Variants in SNTG1 observed in about 807,000 individuals in gnomAD.
SNTG1 encodes gamma-1-syntrophin.
In SNTG1, 39 loss-of-function variants were observed where a neutral mutation model predicts 74.7. The observed-to-expected ratio is 0.52, with a 90% CI of 0.40 to 0.68. The LOEUF is 0.68. Ranked by LOEUF, SNTG1 falls within the 30% of genes least tolerant of loss-of-function variation. SNTG1 has a pLI of 0.00. For missense variants in SNTG1, 685 were observed against 609.5 expected (o/e 1.12, Z -1.30); for synonymous variants, 254 against 217.1 (o/e 1.17, Z -1.49).
intron 18 of SNTG1, among the ~76,000 whole-genome samples, chr8:50,775,880 A>G (rs1012401906): frequency 4.6e-5 from 7 of 151,602 alleles, no homozygotes; most frequent in African/African-American, 7.2e-5. Context: ...CATTTCATCC[A>G]ATAATTTTCT....
At chr8:50,668,888 C>T (rs1163564362) in intron 15 of SNTG1, among the ~76,000 whole-genome samples, 1 of 151,902 alleles carries the variant, frequency 6.6e-6, no homozygotes, top group Non-Finnish European at 1.5e-5. Context: ...CATTGGTGGG[C>T]ATTTGGGTTG....
intron 13 of SNTG1, among the ~76,000 whole-genome samples, chr8:50,642,684 T>C (rs1473134978): frequency 1.3e-5 from 2 of 152,152 alleles, no homozygotes; most frequent in Non-Finnish European, 2.9e-5. Flanking sequence ...AATGTCCCAT[T>C]GGTGTGATGT....
chr8:50,776,605 T>C (rs1314348813), intron 18 of SNTG1, among the ~76,000 whole-genome samples: 1 of 150,736 alleles, frequency 6.6e-6, no homozygotes, highest in Non-Finnish European at 1.5e-5. Context: ...AATATTACAA[T>C]TTTTGTTTCA....
rs1809842406 is a variant in SNTG1, at chr8:49,952,854, C to T, written c.-103+40623C>T. ...CAAGGTGGACCTTCTAGATGTTTGACTTGGCTAACTAGTTGAGTAGGATAC... is the reference window on the plus strand; with the variant it reads ...CAAGGTGGACCTTCTAGATGTTTGATTTGGCTAACTAGTTGAGTAGGATAC... On this transcript the variant is annotated intron_variant, in intron 1 of 18. Transcript: ENST00000642720. Among the ~76,000 whole-genome samples, 3 of 152,280 alleles carry T rather than the reference C, an allele frequency of 2.0e-5. No homozygotes were observed. The South Asian group carries it at 6.2e-4, about 32-fold the overall frequency.
chr8:50,218,264 C>T (rs1266608646), intron 2 of SNTG1, among the ~76,000 whole-genome samples: 1 of 152,114 alleles, frequency 6.6e-6, no homozygotes, highest in Non-Finnish European at 1.5e-5. Context: ...ACAATTGAGG[C>T]CTGAATGCAC....
intron 2 of SNTG1, among the ~76,000 whole-genome samples, chr8:50,369,387 G>A (rs1390921508): frequency 6.6e-6 from 1 of 152,100 alleles, no homozygotes; most frequent in East Asian, 1.9e-4. Context: ...ACATGAGGTT[G>A]AGAGTTCGAG....
At chr8:50,770,620 A>G (rs934534598) in intron 18 of SNTG1, among the ~76,000 whole-genome samples, 3 of 152,012 alleles carry the variant, frequency 2.0e-5, no homozygotes, top group Admixed American at 6.6e-5. Flanking sequence ...GCAGGCTGCT[A>G]TGGTTTTAAT....
chr8:50,706,927 T>C (rs1032843963), intron 16 of SNTG1, among the ~76,000 whole-genome samples: 24 of 152,170 alleles, frequency 1.6e-4, no homozygotes, highest in Non-Finnish European at 2.8e-4. Flanking sequence ...TTTCAAAGTG[T>C]TCCTCATTTA....
chr8:50,723,234 C>A (rs2131596831), intron 17 of SNTG1, among the ~76,000 whole-genome samples: 2 of 152,212 alleles, frequency 1.3e-5, no homozygotes, highest in Middle Eastern at 6.8e-3. Context: ...GGTCAAATTC[C>A]AGGCTTTAAA....
rs1218999793 is a variant in SNTG1 at position 49,983,067 on chromosome 8, G to A, written c.-103+70836G>A. Reference sequence around the variant, plus strand: ...AGTTTCCTCTCATCCCTACCCAAAGGATGCTTCAGGAAGAGGGGGATTTAT... The same window carrying A: ...AGTTTCCTCTCATCCCTACCCAAAGAATGCTTCAGGAAGAGGGGGATTTAT... On this transcript the variant is annotated intron_variant, in intron 1 of 18. Transcript: ENST00000642720. 3.9e-5 allele frequency among the ~76,000 whole-genome samples: 6 copies of A among 152,126 alleles called. 1 individual carries two copies. The highest frequency in any genetic ancestry group is 8.8e-5 in the Non-Finnish European group (6 of 68,028).
At chr8:50,750,806 TG>T (rs2095565609) in intron 17 of SNTG1, among the ~76,000 whole-genome samples, 1 of 152,044 alleles carries the variant, frequency 6.6e-6, no homozygotes, top group Non-Finnish European at 1.5e-5. Context: ...TTATATGCAT[TG>T]GGGAACCAAA....
At chr8:50,514,017 G>A (rs2094110029) in intron 9 of SNTG1, among the ~76,000 whole-genome samples, 2 of 152,172 alleles carry the variant, frequency 1.3e-5, no homozygotes, top group African/African-American at 4.8e-5. Flanking sequence ...CATGCTGGGA[G>A]CTGTAGACTG....
chr8:49,925,080 G>C (rs933561158), intron 1 of SNTG1, among the ~76,000 whole-genome samples: 4 of 151,986 alleles, frequency 2.6e-5, no homozygotes, highest in African/African-American at 9.7e-5. Context: ...TTGAGCCCAG[G>C]AGTTCAAGGC....
chr8:50,696,882 C>A (rs76342487), intron 15 of SNTG1, among the ~76,000 whole-genome samples: 2 of 151,852 alleles, frequency 1.3e-5, no homozygotes, highest in Non-Finnish European at 2.9e-5. Context: ...TAATGTGATG[C>A]CTCCAGCTTT....
At chr8:50,201,865 T>C (rs1283745223) in intron 2 of SNTG1, among the ~76,000 whole-genome samples, 1 of 152,142 alleles carries the variant, frequency 6.6e-6, no homozygotes, top group Non-Finnish European at 1.5e-5. Flanking sequence ...TTTAGCTTCT[T>C]CTTGTCTATA....
intron 13 of SNTG1, among the ~76,000 whole-genome samples, chr8:50,633,322 C>G (rs1017489553): frequency 6.6e-6 from 1 of 152,134 alleles, no homozygotes; most frequent in Admixed American, 6.5e-5. Flanking sequence ...TCTGAAATTG[C>G]TATTAAGAGA....
intron 5 of SNTG1, among the ~76,000 whole-genome samples, chr8:50,449,320 G>A (rs1351867447): frequency 6.6e-6 from 1 of 152,114 alleles, no homozygotes; most frequent in East Asian, 1.9e-4. Context: ...TAACTTAGCA[G>A]GATAACAGTA....
At chr8:49,991,371 A>G (rs558858714) in intron 1 of SNTG1, among the ~76,000 whole-genome samples, 2 of 152,304 alleles carry the variant, frequency 1.3e-5, no homozygotes, top group South Asian at 4.1e-4. Context: ...GCCATCTGTG[A>G]AAACACTCTG....
intron 2 of SNTG1, among the ~76,000 whole-genome samples, chr8:50,249,813 C>T (rs1162380305): frequency 6.6e-6 from 1 of 152,020 alleles, no homozygotes; most frequent in South Asian, 2.1e-4. Flanking sequence ...GATCCATTTA[C>T]AGGAAAAAGC....
Sources: gnomAD v4.1 joint callset for allele counts (sites outside exome capture counted in the v4.1 genomes callset) on GRCh38, gnomAD v4.1.1 for gene constraint, MANE v1.5 for transcripts, NCBI Gene and HGNC (gene_info 2026-07-23, HGNC 2026-07-21) for gene names.